Variants in PPP2R2B observed in about 807,000 individuals in gnomAD.
PPP2R2B encodes protein phosphatase 2 regulatory subunit Bbeta, also known as serine/threonine-protein phosphatase 2A 55 kDa regulatory subunit B beta isoform.
PPP2R2B carries 5 observed loss-of-function variants against 46.0 expected under a neutral mutation model. The ratio of observed to expected loss-of-function variants is 0.11; its 90% CI spans 0.06 to 0.23. The LOEUF (loss-of-function observed/expected upper bound fraction) is 0.23, where lower values mean the gene tolerates loss of function less well. Ranked by LOEUF, PPP2R2B falls within the 10% of genes least tolerant of loss-of-function variation. The pLI is 1.00. For missense variants in PPP2R2B, 367 were observed against 575.0 expected, an observed-to-expected ratio of 0.64 and a Z score of 3.70; for synonymous variants, 215 against 206.7, an observed-to-expected ratio of 1.04 and a Z score of -0.34.
rs1554074754 is a variant in PPP2R2B at position 146,900,587 on chromosome 5, C to CTCCCTTCCTTCCTTCCTTCCTTCT, written c.79+155077_79+155078insAGAAGGAAGGAAGGAAGGAAGGGA. On this transcript the variant is annotated intron_variant, in intron 1 of 8. Transcript: ENST00000336640. ...CCTTCCTTCCTTCCTTCCTTCCTTC[C>CTCCCTTCCTTCCTTCCTTCCTTCT]TTCCTTCTTTCCTTCTTTTCTTTCT... 3.6e-5 allele frequency among the ~76,000 whole-genome samples: 4 copies of CTCCCTTCCTTCCTTCCTTCCTTCT among 112,324 alleles called. No homozygotes were observed. The Admixed American group carries it at 4.1e-4, about 12-fold the overall frequency. 73.7% of individuals were successfully genotyped at this position (112,324 alleles called of 152,430 possible). A position where few individuals can be genotyped will look rare whatever the true frequency, so the allele number is the denominator to read the frequency against.
intron 1 of PPP2R2B, among the ~76,000 whole-genome samples, chr5:146,999,601 C>G (rs1261919920): frequency 6.6e-6 from 1 of 152,132 alleles, no homozygotes; most frequent in Admixed American, 6.6e-5. Flanking sequence ...CCTTATGTGG[C>G]TTCTTCTCTA....
At chr5:146,842,703 C>T (rs907110103) in intron 2 of PPP2R2B, among the ~76,000 whole-genome samples, 123 of 152,076 alleles carry the variant, frequency 8.1e-4, no homozygotes, top group African/African-American at 2.6e-3. Flanking sequence ...CGTGTGTTCT[C>T]ATCATTTAGC....
At chr5:147,004,978 G>T (rs1468872968) in intron 1 of PPP2R2B, among the ~76,000 whole-genome samples, 1 of 152,106 alleles carries the variant, frequency 6.6e-6, no homozygotes, top group East Asian at 1.9e-4. Flanking sequence ...TTACTGTCTG[G>T]ACTACTCATG....
intron 1 of PPP2R2B, among the ~76,000 whole-genome samples, chr5:146,989,084 G>A (rs955590129): frequency 1.3e-4 from 20 of 151,910 alleles, no homozygotes; most frequent in African/African-American, 4.6e-4. Flanking sequence ...GACCAATAAT[G>A]AGCAATGAGA....
intron 2 of PPP2R2B, among the ~76,000 whole-genome samples, chr5:146,809,284 GTCTC>G (rs774786067): frequency 3.9e-5 from 6 of 152,238 alleles, no homozygotes; most frequent in Non-Finnish European, 7.4e-5. Context: ...CTTCACAACT[GTCTC>G]TCTGACAGGT....
intron 2 of PPP2R2B, among the ~76,000 whole-genome samples, chr5:146,821,501 T>A (rs1441137638): frequency 6.6e-6 from 1 of 152,196 alleles, no homozygotes; most frequent in Non-Finnish European, 1.5e-5. Flanking sequence ...TAAGGTTTGC[T>A]AGCCCTGCCT....
intron 1 of PPP2R2B, among the ~76,000 whole-genome samples, chr5:146,946,112 C>T (rs1007612075): frequency 1.3e-5 from 2 of 152,080 alleles, no homozygotes; most frequent in African/African-American, 4.8e-5. Context: ...TCTCTTTATC[C>T]CTGTGTTCCC....
exon 1 of PPP2R2B, chr5:147,055,704 G>A (rs765850208): frequency 9.3e-6 from 15 of 1,613,090 alleles, no homozygotes; most frequent in African/African-American, 1.3e-5. Context: ...GTGTTCGGAG[G>A]TCTGAAGATG....
intron 1 of PPP2R2B, among the ~76,000 whole-genome samples, chr5:146,890,524 G>T (rs1582369320): frequency 6.6e-6 from 1 of 152,070 alleles, no homozygotes; most frequent in East Asian, 1.9e-4. Context: ...CAAATTCAAG[G>T]CATTATGCAA....
At chr5:146,707,241 G>A (rs958965130) in intron 2 of PPP2R2B, 62 of 1,585,354 alleles carry the variant, frequency 3.9e-5, no homozygotes, top group Non-Finnish European at 5.0e-5. Flanking sequence ...GCTGCAGGAG[G>A]CTCCACTTGG....
intron 2 of PPP2R2B, 59 bp downstream of exon 2, chr5:146,877,943 A>C (rs1481998788): frequency 1.9e-6 from 3 of 1,568,054 alleles, no homozygotes; most frequent in Non-Finnish European, 2.6e-6. Flanking sequence ...CCCAGGAAGC[A>C]CAGTGATCCG....
intron 1 of PPP2R2B, among the ~76,000 whole-genome samples, chr5:147,003,851 G>A (rs1754303785): frequency 6.6e-6 from 1 of 152,096 alleles, no homozygotes; most frequent in South Asian, 2.1e-4. Flanking sequence ...GAGTGGCTAT[G>A]GGAGGCCTTA....
intron 2 of PPP2R2B, among the ~76,000 whole-genome samples, chr5:146,766,746 C>T (rs563023874): frequency 3.3e-5 from 5 of 152,146 alleles, no homozygotes; most frequent in South Asian, 4.2e-4. Flanking sequence ...GTGGGCCCTA[C>T]GGCACCATAA....
intron 5 of PPP2R2B, among the ~76,000 whole-genome samples, chr5:146,688,376 G>A (rs909296002): frequency 1.4e-4 from 21 of 151,718 alleles, no homozygotes; most frequent in South Asian, 4.2e-4. Flanking sequence ...TCCAGTGACC[G>A]CAGACCCCCT....
intron 1 of PPP2R2B, among the ~76,000 whole-genome samples, chr5:146,940,520 A>AC (rs1764287935): frequency 6.6e-6 from 1 of 151,960 alleles, no homozygotes. Context: ...GGAAAAAAAA[A>AC]AAAACATAAG....
At chr5:146,708,077 TGG>T in intron 2 of PPP2R2B, among the ~76,000 whole-genome samples, 1 of 152,176 alleles carries the variant, frequency 6.6e-6, no homozygotes, top group Non-Finnish European at 1.5e-5. Flanking sequence ...ATATATAGGC[TGG>T]GCACGGTGGC....
At chr5:146,832,379 CTTTTTTTTTTTTTTTTTTT>C (rs34269274) in intron 2 of PPP2R2B, among the ~76,000 whole-genome samples, 1 of 70,192 alleles carries the variant, frequency 1.4e-5, no homozygotes, top group Admixed American at 2.1e-4. Context: ...CATTTTTAAT[CTTTTTTTTTTTTTTTTTTT>C]TTTTTTTTTT....
chr5:146,826,058 G>A (rs1038482979), intron 2 of PPP2R2B, among the ~76,000 whole-genome samples: 15 of 152,044 alleles, frequency 9.9e-5, no homozygotes, highest in Admixed American at 4.6e-4. Context: ...ATTTATATCC[G>A]GTAAATAATT....
chr5:147,073,863 C>T (rs965068047), intron 2 of PPP2R2B, among the ~76,000 whole-genome samples: 3 of 151,950 alleles, frequency 2.0e-5, no homozygotes, highest in African/African-American at 7.3e-5. Flanking sequence ...TGGTGAAACC[C>T]CATCTTTACT....
Sources: allele counts gnomAD v4.1 joint callset (sites outside exome capture counted in the v4.1 genomes callset), GRCh38; gene constraint gnomAD v4.1.1; transcripts MANE v1.5; gene names NCBI Gene and HGNC (gene_info 2026-07-23, HGNC 2026-07-21).